Variants in PLA2R1 observed in about 807,000 individuals in gnomAD.
PLA2R1 encodes secretory phospholipase A2 receptor.
Under a neutral mutation model 195.9 loss-of-function variants are expected in PLA2R1, and 158 were observed. The observed-to-expected ratio is 0.81, with a 90% CI of 0.71 to 0.92. The LOEUF (loss-of-function observed/expected upper bound fraction) is 0.92, where lower values mean the gene tolerates loss of function less well. Among genes scored for constraint, PLA2R1 ranks in the 40% least tolerant of loss-of-function variants. The probability of loss-of-function intolerance (pLI) is 0.00; values close to 1 mark genes in which losing one functional copy is unlikely to be tolerated. For missense variants in PLA2R1, 1,626 were observed against 1,764.6 expected, an observed-to-expected ratio of 0.92 and a Z score of 1.41; for synonymous variants, 586 against 598.2, an observed-to-expected ratio of 0.98 and a Z score of 0.30.
At chr2:159,957,727 T>C (rs1688180341) in intron 20 of PLA2R1, among the ~76,000 whole-genome samples, 1 of 151,984 alleles carries the variant, frequency 6.6e-6, no homozygotes, top group South Asian at 2.1e-4. Flanking sequence ...TGAAGATAAG[T>C]TTGTTTGTTT....
rs527711690 is a variant in PLA2R1 at position 159,940,551 on chromosome 2, G to C, written c.*1227C>G. The stretch of plus-strand genomic sequence containing the variant: ...TGGGACTACAGGTGCGTGCCACCAT[G>C]CTCAGTACACTTTTTTCTTGATAAA... On this transcript the variant is annotated 3_prime_UTR_variant, in exon 30 of 30. Transcript: ENST00000283243. The C allele has an allele frequency of 5.3e-5, 8 of 152,236 alleles. No individual in the cohort carries two copies. In the South Asian group the frequency reaches 1.7e-3, roughly 32 times the overall value. The allele number at this position is 152,236 out of a possible 1,614,324, so 9.4% of individuals were successfully genotyped here. A position where few individuals can be genotyped will look rare whatever the true frequency, so the allele number is the denominator to read the frequency against.
chr2:159,964,436 G>A (rs1343626204), intron 20 of PLA2R1, among the ~76,000 whole-genome samples: 2 of 152,086 alleles, frequency 1.3e-5, no homozygotes, highest in African/African-American at 2.4e-5. Flanking sequence ...AATTGCCAAA[G>A]GTTTTAATAA....
intron 27 of PLA2R1, among the ~76,000 whole-genome samples, chr2:159,945,493 C>A (rs189342806): frequency 5.9e-5 from 9 of 152,288 alleles, no homozygotes; most frequent in African/African-American, 2.2e-4. Context: ...TGATGATTTG[C>A]AATTTTATCC....
intron 11 of PLA2R1, among the ~76,000 whole-genome samples, chr2:159,989,129 A>G (rs759228633): frequency 2.0e-5 from 3 of 152,224 alleles, no homozygotes; most frequent in Non-Finnish European, 2.9e-5. Context: ...TGGTGCATCC[A>G]AAGGCCATCG....
At chr2:159,978,398 C>A (rs975227511) in intron 14 of PLA2R1, among the ~76,000 whole-genome samples, 4 of 152,128 alleles carry the variant, frequency 2.6e-5, no homozygotes, top group Non-Finnish European at 5.9e-5. Context: ...TACACTGTCA[C>A]GTAATAATTC....
downstream of PLA2R1, among the ~76,000 whole-genome samples, chr2:159,930,830 C>G (rs886390911): frequency 6.6e-6 from 1 of 152,190 alleles, no homozygotes; most frequent in Non-Finnish European, 1.5e-5. Context: ...TGTCTCTGAG[C>G]CTGCTTCCAT....
At chr2:159,999,347 A>AGTTTTTTTT (rs1691438643) in intron 11 of PLA2R1, among the ~76,000 whole-genome samples, 1 of 7,250 alleles carries the variant, frequency 1.4e-4, no homozygotes, top group Non-Finnish European at 2.1e-4. Flanking sequence ...ACATTACGTA[A>AGTTTTTTTT]TTTTTTTTTT....
Position 159,977,360 on chromosome 2 carries a change from AG to A in PLA2R1, c.2324del (p.Ala775ValfsTer28), listed in dbSNP as rs1292624163. 1 of 1,612,974 alleles carries A rather than the reference AG, an allele frequency of 6.2e-7. No homozygotes were observed. Reference sequence around the variant, plus strand: ...GCAATGTTTTGTTTGCCTTATAAACAGCACAGTTTCTTGCATCTTCTCCAAA... The same window carrying A: ...GCAATGTTTTGTTTGCCTTATAAACACACAGTTTCTTGCATCTTCTCCAAA... The part of the protein sequence containing the change: ...TYFGEDARNC[A>X]VYKANKTLLP... On this transcript the variant is annotated frameshift_variant, in exon 15 of 30. Transcript: ENST00000283243. LOFTEE classifies it high-confidence loss of function.
In PLA2R1 at chr2:160,042,040, A is replaced by G; in HGVS notation, c.652T>C (p.Phe218Leu). Reference sequence around the variant, plus strand: ...TTATTCTTACTGGGATCAGGGCAAAATCCCCACTTTTCATCTCTTTCATAA... The same window carrying G: ...TTATTCTTACTGGGATCAGGGCAAAGTCCCCACTTTTCATCTCTTTCATAA... ...SRYERDEKWG[F>L]CPDPTSAEVG... Residue 218 changes from phenylalanine to leucine, a missense_variant, in exon 3 of 30, where the codon TTT becomes CTT. Phe to Leu is a conservative substitution (Grantham distance 22). Coordinates refer to ENST00000283243, the MANE Select transcript of PLA2R1 (RefSeq NM_007366.5). 1 of 1,613,628 alleles carries G rather than the reference A, an allele frequency of 6.2e-7. No individual in the cohort carries two copies. Among genetic ancestry groups the G allele is most frequent in the Non-Finnish European group, 8.5e-7 (1 of 1,179,550 alleles).
rs546300600 is a variant in PLA2R1 at position 160,034,174 on chromosome 2, T to G, written c.668-1042A>C. On this transcript the variant is annotated intron_variant, in intron 3 of 29. Transcript: ENST00000283243. ...AACTTATTTGACAATAAAATCTTTT[T>G]TGTTTGGTTTTTTTTCCTCCCTCAT... is the stretch of plus-strand genomic sequence containing the variant. Among the ~76,000 whole-genome samples the G allele has an allele frequency of 2.6e-5, 4 of 152,314 alleles. No homozygotes were observed. The East Asian group carries it at 7.7e-4, about 29-fold the overall frequency.
intron 27 of PLA2R1, 65 bp downstream of exon 27, chr2:159,946,736 C>T (rs1381684865): frequency 5.4e-6 from 8 of 1,487,842 alleles, no homozygotes; most frequent in Non-Finnish European, 7.1e-6. Flanking sequence ...CTCACAGATG[C>T]CATTATCATC....
At chr2:160,052,907 G>T (rs1278265147) in intron 1 of PLA2R1, among the ~76,000 whole-genome samples, 1 of 152,158 alleles carries the variant, frequency 6.6e-6, no homozygotes, top group Non-Finnish European at 1.5e-5. Context: ...AAAGTGCAAG[G>T]TAGAAATGTT....
chr2:159,948,103 T>TA (rs1687497416), intron 25 of PLA2R1, among the ~76,000 whole-genome samples: 1 of 152,228 alleles, frequency 6.6e-6, no homozygotes, highest in Admixed American at 6.5e-5. Flanking sequence ...GCATGAGAGT[T>TA]AGACACATCC....
At chr2:159,956,434 T>C (rs1472348915) in intron 21 of PLA2R1, 76 bp downstream of exon 21, 30 of 799,932 alleles carry the variant, frequency 3.8e-5, no homozygotes, top group Non-Finnish European at 5.6e-5. Context: ...AATGTTAGTA[T>C]AGGTGGGGGG....
chr2:159,949,026 A>C (rs763725997), intron 25 of PLA2R1, among the ~76,000 whole-genome samples: 10 of 152,198 alleles, frequency 6.6e-5, no homozygotes, highest in Non-Finnish European at 1.3e-4. Context: ...ATATTATGTA[A>C]AGTGCAGAGC....
At chr2:159,970,320 A>C (rs1689077178) in intron 17 of PLA2R1, 108 bp from the exon 18 acceptor site, 1 of 649,976 alleles carries the variant, frequency 1.5e-6, no homozygotes, top group Middle Eastern at 2.8e-4. Flanking sequence ...ATTTTACCCA[A>C]TTATCTAAGG....
Position 159,941,800 on chromosome 2 carries a change from T to A in PLA2R1, c.4370A>T (p.Asp1457Val), listed in dbSNP as rs775442028. 1 of 1,598,338 alleles carries A rather than the reference T, an allele frequency of 6.3e-7. No individual in the cohort carries two copies. The highest frequency in any genetic ancestry group is 2.2e-5 in the East Asian group (1 of 44,796). Residue 1457 changes from aspartate to valine, a missense_variant, in exon 30 of 30, where the codon GAT (aspartate) becomes GTT (valine). Physicochemically the swap from Asp to Val is radical, Grantham distance 152. Coordinates refer to ENST00000283243, the MANE Select transcript of PLA2R1 (RefSeq NM_007366.5). ...VYLEENILIS[D>V]LEKSDQ is the part of the protein sequence containing the mutation. ...TTATTATTGGTCACTCTTCTCAAGA[T>A]CAGAAATGAGAATATTTTCTTCTAA...
chr2:159,965,839 G>A (rs755628222), intron 20 of PLA2R1, among the ~76,000 whole-genome samples: 1 of 152,166 alleles, frequency 6.6e-6, no homozygotes, highest in Non-Finnish European at 1.5e-5. Context: ...GGCCGTTCTA[G>A]TAGCTGTGCA....
rs749852496 is a variant in PLA2R1 at position 159,934,530 on chromosome 2, CAT to C, written c.*7246_*7247del. 1.3e-5 allele frequency: 2 copies of C among 152,126 alleles called. No individual in the cohort carries two copies. The highest frequency in any genetic ancestry group is 4.8e-5 in the African/African-American group (2 of 41,414). 9.4% of individuals were successfully genotyped at this position (152,126 alleles called of 1,614,324 possible). A position where few individuals can be genotyped will look rare whatever the true frequency, so the allele number is the denominator to read the frequency against. The stretch of plus-strand genomic sequence containing the variant: ...TTGTTAAAAGAATCATGAAAGAAGG[CAT>C]ATTGCTTCACGAATTTCTAAGTTGA... On this transcript the variant is annotated 3_prime_UTR_variant, in exon 30 of 30. Transcript: ENST00000283243.
Sources: gnomAD v4.1 joint callset for allele counts (sites outside exome capture counted in the v4.1 genomes callset) on GRCh38, gnomAD v4.1.1 for gene constraint, MANE v1.5 for transcripts, NCBI Gene and HGNC (gene_info 2026-07-23, HGNC 2026-07-21) for gene names.